COL4A5: variants seen among roughly 807,000 people sequenced by gnomAD.
COL4A5 encodes collagen alpha-5(IV) chain.
A neutral mutation model predicts 130.2 loss-of-function variants in COL4A5; 26 were observed. The ratio of observed to expected loss-of-function variants is 0.20; its 90% CI spans 0.15 to 0.28. The LOEUF is 0.28. Ranked by LOEUF, COL4A5 falls within the 10% of genes least tolerant of loss-of-function variation. The pLI, the probability that COL4A5 is intolerant of heterozygous loss-of-function variation, is 1.00. For synonymous variants in COL4A5, 496 were observed against 439.6 expected (o/e 1.13, Z -1.60); for missense variants, 1,131 against 1,344.3 (o/e 0.84, Z 2.48).
At position 108,588,246 on chromosome X, in the gene COL4A5, T is replaced by C. The variant is rs539099277; in HGVS notation, c.1165+1499T>C. On this transcript the variant is annotated intron_variant, in intron 19 of 52. Coordinates refer to ENST00000328300, the MANE Select transcript of COL4A5 (RefSeq NM_033380.3). ...ACATACATATTCAATAAATTATTAT[T>C]CCTTTTCCTTCAAAAATACGTGGCT... Among the ~76,000 whole-genome samples, 35 of 111,328 alleles carry C rather than the reference T, an allele frequency of 3.1e-4. No homozygotes were observed. In the South Asian group the frequency reaches 0.013, roughly 40 times the overall value.
chrX:108,608,121 A>G (rs773682977), intron 29 of COL4A5, among the ~76,000 whole-genome samples: 1 of 111,873 alleles, frequency 8.9e-6, no homozygotes, highest in South Asian at 3.8e-4. Context: ...GGGTAAATGC[A>G]TCTCTGGATA....
chrX:108,445,514 TC>T (rs1367969332), intron 1 of COL4A5, among the ~76,000 whole-genome samples: 3 of 112,302 alleles, frequency 2.7e-5, no homozygotes, highest in African/African-American at 9.7e-5. Flanking sequence ...ACAAGGTTCT[TC>T]CCTTCATGGT....
At chrX:108,550,935 A>G (rs2065744072) in intron 2 of COL4A5, among the ~76,000 whole-genome samples, 1 of 111,615 alleles carries the variant, frequency 9.0e-6, no homozygotes, top group Admixed American at 9.6e-5. Flanking sequence ...ATAACTGACT[A>G]GCCATATGTA....
intron 36 of COL4A5, among the ~76,000 whole-genome samples, chrX:108,642,981 G>A (rs1195072872): frequency 9.0e-6 from 1 of 111,232 alleles, no homozygotes; most frequent in Non-Finnish European, 1.9e-5. Flanking sequence ...CCAGAGAAAG[G>A]TGAAGCCCAA....
chrX:108,606,488 A>G (rs187970463), intron 28 of COL4A5, among the ~76,000 whole-genome samples: 97 of 109,218 alleles, frequency 8.9e-4, no homozygotes, highest in Admixed American at 3.9e-3. Context: ...CTTTAATCTC[A>G]TGCTCTCTCA....
Position 108,655,362 on chromosome X carries a change from A to C in COL4A5, c.3278A>C (p.Asn1093Thr), listed in dbSNP as rs762992437. The C allele has an allele frequency of 8.3e-7, 1 of 1,209,717 alleles. No homozygotes were observed. Among genetic ancestry groups the C allele is most frequent in the Admixed American group, 2.2e-5 (1 of 45,968 alleles). The change falls in exon 37 of 53, where the codon AAC becomes ACC. Residue 1093 changes from asparagine (N) to threonine (T), a missense_variant. Asn to Thr is a moderately conservative substitution (Grantham distance 65, BLOSUM62 0). Transcript: ENST00000328300. ...GEPGLPGYPG[N>T]PGIKGSVGDP... ...CCTGGTCTGCCTGGATACCCAGGGA[A>C]CCCTGGTATCAAAGGTTCTGTGGGA...
rs1182179853 is a variant in COL4A5, at chrX:108,696,615, TTGGGTC to T, written c.*238_*243del. On this transcript the variant is annotated 3_prime_UTR_variant, in exon 53 of 53. Coordinates refer to ENST00000328300, the MANE Select transcript of COL4A5 (RefSeq NM_033380.3). ...AGAAATAAGGAAGTGAATTTACTTT[TTGGGTC>T]CAGAATGACTTTCTCCAAGAATTAT... 2.0e-4 allele frequency: 50 copies of T among 253,792 alleles called. No individual in the cohort carries two copies. The highest frequency in any genetic ancestry group is 1.2e-3 in the Middle Eastern group (1 of 833). The allele number at this position is 253,792 out of a possible 1,213,427, so 20.9% of individuals were successfully genotyped here.
At chrX:108,672,000 AACTGGGACTCTG>A (rs1168307854) in intron 42 of COL4A5, among the ~76,000 whole-genome samples, 1 of 111,639 alleles carries the variant, frequency 9.0e-6, no homozygotes, top group Non-Finnish European at 1.9e-5. Flanking sequence ...TTAGTGGCAT[AACTGGGACTCTG>A]ACTTAAGGCT....
intron 1 of COL4A5, among the ~76,000 whole-genome samples, chrX:108,538,385 C>T (rs934833948): frequency 4.5e-5 from 5 of 112,031 alleles, no homozygotes; most frequent in African/African-American, 1.6e-4. Context: ...AGGAGCACAG[C>T]TTTCACTGGA....
intron 36 of COL4A5, among the ~76,000 whole-genome samples, chrX:108,651,292 A>G (rs2067722748): frequency 8.9e-6 from 1 of 112,080 alleles, no homozygotes; most frequent in Non-Finnish European, 1.9e-5. Flanking sequence ...TACTGAAAAC[A>G]TTGAATTGTA....
chrX:108,650,352 GAA>G lies in COL4A5; in HGVS notation c.3247-4976_3247-4975del, dbSNP rs1238296967. ...AATGTAAACTAGTACAGCTACTCTC[GAA>G]AAGAGTGTGGAGATTCCTTAAAGAA... On this transcript the variant is annotated intron_variant, in intron 36 of 52. Transcript: ENST00000328300. Among the ~76,000 whole-genome samples, 27 of 111,369 alleles carry G rather than the reference GAA, an allele frequency of 2.4e-4. 1 individual carries two copies. Among genetic ancestry groups the G allele is most frequent in the African/African-American group, 8.8e-4 (27 of 30,607 alleles).
intron 4 of COL4A5, among the ~76,000 whole-genome samples, chrX:108,567,213 A>C (rs1173246286): frequency 8.9e-6 from 1 of 112,134 alleles, no homozygotes; most frequent in African/African-American, 3.2e-5. Flanking sequence ...AAAGAATTAG[A>C]GTTAAGATAC....
At chrX:108,643,893 T>G (rs1251582160) in intron 36 of COL4A5, among the ~76,000 whole-genome samples, 1 of 112,018 alleles carries the variant, frequency 8.9e-6, no homozygotes, top group South Asian at 3.7e-4. Context: ...CACATCTGAA[T>G]GCTAACATTG....
intron 36 of COL4A5, among the ~76,000 whole-genome samples, chrX:108,639,322 G>A (rs1246160212): frequency 9.0e-6 from 1 of 110,920 alleles, no homozygotes; most frequent in Non-Finnish European, 1.9e-5. Flanking sequence ...TAAAATGAAT[G>A]TCCATATGCA....
At chrX:108,530,706 A>G (rs1446409754) in intron 1 of COL4A5, among the ~76,000 whole-genome samples, 5 of 92,024 alleles carry the variant, frequency 5.4e-5, no homozygotes, top group African/African-American at 8.0e-5. Flanking sequence ...TCAGGAAACA[A>G]CAGGTGCTGG....
intron 1 of COL4A5, among the ~76,000 whole-genome samples, chrX:108,477,937 A>T (rs1176319014): frequency 2.7e-5 from 3 of 110,660 alleles, no homozygotes; most frequent in Non-Finnish European, 5.7e-5. Context: ...CCTATTCTGT[A>T]TTCCCTTTGC....
At chrX:108,480,644 C>G (rs2064879964) in intron 1 of COL4A5, among the ~76,000 whole-genome samples, 2 of 112,886 alleles carry the variant, frequency 1.8e-5, no homozygotes, top group Non-Finnish European at 3.8e-5. Flanking sequence ...AGGCATTTGC[C>G]AAGTCAATGG....
chrX:108,517,180 A>G (rs1309569817), intron 1 of COL4A5, among the ~76,000 whole-genome samples: 1 of 111,430 alleles, frequency 9.0e-6, no homozygotes, highest in Non-Finnish European at 1.9e-5. Context: ...GAGAATGTAT[A>G]TTTCATTTTA....
intron 1 of COL4A5, among the ~76,000 whole-genome samples, chrX:108,466,123 A>G (rs2064703559): frequency 8.9e-6 from 1 of 112,054 alleles, no homozygotes; most frequent in South Asian, 3.7e-4. Context: ...TGGATATACC[A>G]CATTTTGCTT....
Sources: allele counts gnomAD v4.1 joint callset (sites outside exome capture counted in the v4.1 genomes callset), GRCh38; gene constraint gnomAD v4.1.1; transcripts MANE v1.5; gene names NCBI Gene and HGNC (gene_info 2026-07-23, HGNC 2026-07-21).